Variants in NOS1 observed in about 807,000 individuals in gnomAD.
The protein encoded by NOS1 is nitric oxide synthase 1, also known as NOS type I.
NOS1 carries 51 observed loss-of-function variants against 164.5 expected under a neutral mutation model. The observed-to-expected ratio is 0.31, with a 90% confidence interval of 0.25 to 0.39. NOS1 has a LOEUF of 0.39. Ranked by LOEUF, NOS1 falls within the 10% of genes least tolerant of loss-of-function variation. The pLI is 1.00. For missense variants in NOS1, 1,362 were observed against 1,885.6 expected, an observed-to-expected ratio of 0.72 and a Z score of 5.14; for synonymous variants, 719 against 745.8, an observed-to-expected ratio of 0.96 and a Z score of 0.59.
At chr12:117,263,201 G>T (rs966913992) in intron 13 of NOS1, among the ~76,000 whole-genome samples, 4 of 150,522 alleles carry the variant, frequency 2.7e-5, no homozygotes, top group African/African-American at 7.3e-5. Context: ...GGCGTGTGCT[G>T]CGACACCCAA....
intron 9 of NOS1, among the ~76,000 whole-genome samples, chr12:117,277,650 G>A (rs909184297): frequency 1.3e-5 from 2 of 152,058 alleles, no homozygotes; most frequent in Non-Finnish European, 2.9e-5. Flanking sequence ...AAGTGTGCTC[G>A]CAACAAGAAA....
chr12:117,263,817 C>A (rs1468847191), intron 13 of NOS1, 72 bp downstream of exon 13: 1 of 1,174,776 alleles, frequency 8.5e-7, no homozygotes, highest in Non-Finnish European at 1.3e-6. Context: ...CAGGAGTCTG[C>A]CCAGCCTCCT....
chr12:117,285,347 G>A lies in NOS1; in HGVS notation c.1291-15C>T. On this transcript the variant is annotated splice_polypyrimidine_tract_variant and intron_variant, in intron 6 of 28. Transcript: ENST00000317775. The stretch of plus-strand genomic sequence containing the variant: ...GCATCGAATACCTGGAAGAGGCACA[G>A]GGCGGAACTGATTGCCTCTTCTTTC... 6 of 1,578,202 alleles carry A rather than the reference G, an allele frequency of 3.8e-6. No individual in the cohort carries two copies. The highest frequency in any genetic ancestry group is 1.1e-5 in the South Asian group (1 of 88,882).
At chr12:117,281,519 C>CAGAA (rs778457712) in intron 7 of NOS1, among the ~76,000 whole-genome samples, 2 of 50,852 alleles carry the variant, frequency 3.9e-5, no homozygotes, top group Non-Finnish European at 6.4e-5. Context: ...GACTCCATCT[C>CAGAA]AAAAAAAAAA....
rs547144274 is a variant in NOS1, at chr12:117,295,348, G to A, written c.853-4922C>T. On this transcript the variant is annotated intron_variant, in intron 3 of 28. Transcript: ENST00000317775. ...TTGTGACACACAAAAGTTATATGAT[G>A]TTCAAATGTTAGTATCCATAAATAA... is the stretch of plus-strand genomic sequence containing the variant. 7.2e-5 allele frequency among the ~76,000 whole-genome samples: 11 copies of A among 152,250 alleles called. 1 individual carries two copies. In the South Asian group the frequency reaches 2.3e-3, roughly 32 times the overall value.
chr12:117,342,552 T>C (rs1305046306), intron 1 of NOS1, among the ~76,000 whole-genome samples: 2 of 151,916 alleles, frequency 1.3e-5, no homozygotes, highest in African/African-American at 4.8e-5. Context: ...GGAGCTGGCA[T>C]TGGGGTGACA....
chr12:117,292,097 A>G (rs1873101989), intron 3 of NOS1, among the ~76,000 whole-genome samples: 1 of 152,170 alleles, frequency 6.6e-6, no homozygotes, highest in South Asian at 2.1e-4. Flanking sequence ...ACCTATTATA[A>G]TACATGCTCA....
At chr12:117,325,337 A>G (rs1168412171) in intron 2 of NOS1, among the ~76,000 whole-genome samples, 1 of 152,182 alleles carries the variant, frequency 6.6e-6, no homozygotes, top group Non-Finnish European at 1.5e-5. Context: ...TGGGATTCCA[A>G]TTCCTAACTT....
rs563376134 is a variant in NOS1 at position 117,209,375 on chromosome 12, C to A, written c.*5934G>T. On this transcript the variant is annotated 3_prime_UTR_variant, in exon 29 of 29. Transcript: ENST00000317775. ...GCCCCCACAAGAAAGAATTACCCAGCCCCAAATGCCAATAGTGCTAAGGTT... is the reference window on the plus strand; with the variant it reads ...GCCCCCACAAGAAAGAATTACCCAGACCCAAATGCCAATAGTGCTAAGGTT... 191 of 983,974 alleles carry A rather than the reference C, an allele frequency of 1.9e-4. 1 individual carries two copies. Among genetic ancestry groups the A allele is most frequent in the Non-Finnish European group, 1.2e-4 (96 of 828,578 alleles). The allele number at this position is 983,974 out of a possible 1,614,324, so 61.0% of individuals were successfully genotyped here. A position where few individuals can be genotyped will look rare whatever the true frequency, so the allele number is the denominator to read the frequency against.
intron 3 of NOS1, among the ~76,000 whole-genome samples, chr12:117,300,180 G>A (rs1478634847): frequency 6.6e-6 from 1 of 152,140 alleles, no homozygotes; most frequent in African/African-American, 2.4e-5. Context: ...TTTGGCAACT[G>A]ATACCAATTT....
At chr12:117,334,500 A>G (rs1432366064) in intron 1 of NOS1, among the ~76,000 whole-genome samples, 1 of 152,006 alleles carries the variant, frequency 6.6e-6, no homozygotes, top group Non-Finnish European at 1.5e-5. Context: ...GGAATCAAAC[A>G]ATTCTCTAGC....
chr12:117,302,755 TA>T (rs1873910674), intron 3 of NOS1, among the ~76,000 whole-genome samples: 2 of 152,152 alleles, frequency 1.3e-5, no homozygotes, highest in South Asian at 4.2e-4. Flanking sequence ...AAAATTTTTT[TA>T]TTTTTTTGAG....
intron 2 of NOS1, among the ~76,000 whole-genome samples, chr12:117,322,013 CCTCCCTCT>C (rs1329559628): frequency 4.3e-4 from 22 of 51,742 alleles, no homozygotes; most frequent in East Asian, 1.3e-3. Flanking sequence ...TCCTTCCTTC[CCTCCCTCT>C]CTCCTTCCTT....
At chr12:117,301,603 C>A (rs1349157121) in intron 3 of NOS1, among the ~76,000 whole-genome samples, 1 of 152,174 alleles carries the variant, frequency 6.6e-6, no homozygotes, top group Non-Finnish European at 1.5e-5. Context: ...AGCAATAGAG[C>A]TGGGCTTGGA....
At chr12:117,324,172 C>G (rs1875125354) in intron 2 of NOS1, among the ~76,000 whole-genome samples, 1 of 152,126 alleles carries the variant, frequency 6.6e-6, no homozygotes, top group Non-Finnish European at 1.5e-5. Context: ...AGTCTTTTAC[C>G]TCTCTGAGCC....
chr12:117,212,256 C>A lies in NOS1; in HGVS notation c.*3053G>T. ...GTGGGCATTGTCTCATTCAATCCAC[C>A]TTGTTATACAGGTGGGTATGCAGAC... On this transcript the variant is annotated 3_prime_UTR_variant, in exon 29 of 29. Coordinates refer to ENST00000317775, the MANE Select transcript of NOS1 (RefSeq NM_000620.5). The A allele has an allele frequency of 1.0e-6, 1 of 985,308 alleles. No individual in the cohort carries two copies. Among genetic ancestry groups the A allele is most frequent in the Non-Finnish European group, 1.2e-6 (1 of 829,918 alleles). 61.0% of individuals were successfully genotyped at this position (985,308 alleles called of 1,614,324 possible).
intron 1 of NOS1, among the ~76,000 whole-genome samples, chr12:117,341,343 C>G (rs1034290743): frequency 3.9e-5 from 6 of 152,106 alleles, no homozygotes; most frequent in Admixed American, 3.9e-4. Context: ...AGCACTGAGG[C>G]CCCAGAACTT....
chr12:117,313,941 T>G (rs897590278), intron 2 of NOS1, among the ~76,000 whole-genome samples: 2 of 152,204 alleles, frequency 1.3e-5, no homozygotes, highest in African/African-American at 4.8e-5. Context: ...GCCCTTGTCT[T>G]GCCCTCTGTT....
At chr12:117,258,114 T>C (rs1047066575) in intron 16 of NOS1, among the ~76,000 whole-genome samples, 6 of 152,348 alleles carry the variant, frequency 3.9e-5, no homozygotes, top group Admixed American at 1.3e-4. Context: ...ACAGTGCTTT[T>C]ACATCTAGTT....
Sources: allele counts gnomAD v4.1 joint callset (sites outside exome capture counted in the v4.1 genomes callset), GRCh38; gene constraint gnomAD v4.1.1; transcripts MANE v1.5; gene names NCBI Gene and HGNC (gene_info 2026-07-23, HGNC 2026-07-21).